Variants in DCC observed in about 807,000 individuals in gnomAD.
DCC encodes the protein DCC netrin 1 receptor, also known as netrin receptor DCC.
Under a neutral mutation model 172.5 loss-of-function variants are expected in DCC, and 58 were observed. The observed-to-expected ratio is 0.34, with a 90% confidence interval of 0.27 to 0.42. The LOEUF is 0.42. Among genes scored for constraint, DCC ranks in the 10% least tolerant of loss-of-function variants. The pLI, the probability that DCC is intolerant of heterozygous loss-of-function variation, is 1.00. For missense variants in DCC, 1,740 were observed against 1,791.0 expected (o/e 0.97, Z 0.51); for synonymous variants, 709 against 644.5 (o/e 1.10, Z -1.52).
intron 1 of DCC, among the ~76,000 whole-genome samples, chr18:52,451,522 G>A (rs1216177436): frequency 6.6e-6 from 1 of 152,164 alleles, no homozygotes; most frequent in East Asian, 1.9e-4. Context: ...GATGGCCTCA[G>A]GCAATCGGAA....
At chr18:53,171,078 T>A (rs2055006983) in intron 8 of DCC, among the ~76,000 whole-genome samples, 2 of 151,942 alleles carry the variant, frequency 1.3e-5, no homozygotes, top group Admixed American at 1.3e-4. Flanking sequence ...AGAGAGAGGG[T>A]TTCACCAGAT....
At chr18:52,735,116 C>A (rs1303511220) in intron 1 of DCC, among the ~76,000 whole-genome samples, 1 of 152,034 alleles carries the variant, frequency 6.6e-6, no homozygotes, top group Non-Finnish European at 1.5e-5. Flanking sequence ...AATTTTGTAT[C>A]CTTCTCCACC....
chr18:52,385,556 A>G (rs564350425), intron 1 of DCC, among the ~76,000 whole-genome samples: 12 of 152,160 alleles, frequency 7.9e-5, no homozygotes, highest in African/African-American at 1.9e-4. Flanking sequence ...TCCAAAGAAG[A>G]TCCCATTCCA....
chr18:53,108,083 A>G (rs1377105007), intron 7 of DCC, among the ~76,000 whole-genome samples: 3 of 151,832 alleles, frequency 2.0e-5, no homozygotes, highest in Non-Finnish European at 4.4e-5. Context: ...CTGCCAGTTT[A>G]TATCAGTGGC....
chr18:52,616,984 T>C (rs1447581134), intron 1 of DCC, among the ~76,000 whole-genome samples: 1 of 152,116 alleles, frequency 6.6e-6, no homozygotes, highest in Non-Finnish European at 1.5e-5. Context: ...GAGGTTGAAT[T>C]AAGGGCTGTA....
intron 19 of DCC, among the ~76,000 whole-genome samples, chr18:53,404,093 T>C (rs1057204721): frequency 7.2e-5 from 11 of 152,228 alleles, no homozygotes; most frequent in African/African-American, 2.7e-4. Flanking sequence ...CTCATTGTTA[T>C]AATCTCTTTT....
intron 13 of DCC, among the ~76,000 whole-genome samples, chr18:53,311,565 A>G (rs964022192): frequency 2.6e-5 from 4 of 152,208 alleles, no homozygotes; most frequent in Non-Finnish European, 4.4e-5. Flanking sequence ...GCGTGTTGTC[A>G]TCTTTAGTTC....
Position 52,411,416 on chromosome 18 carries a change from C to T in DCC, c.91+70538C>T, listed in dbSNP as rs1160803943. ...CATGGAAAACTAAAGCAAGCTATGC[C>T]GAAACTGTCATTATCTGAGGCAACC... On this transcript the variant is annotated intron_variant, in intron 1 of 28. Transcript: ENST00000442544. Among the ~76,000 whole-genome samples, 14 of 152,088 alleles carry T rather than the reference C, an allele frequency of 9.2e-5. No homozygotes were observed. The East Asian group carries it at 1.5e-3, about 17-fold the overall frequency.
intron 1 of DCC, among the ~76,000 whole-genome samples, chr18:52,499,019 G>T (rs531061594): frequency 1.3e-5 from 2 of 152,116 alleles, no homozygotes; most frequent in Non-Finnish European, 2.9e-5. Flanking sequence ...TTCTCTGACC[G>T]TACCACCCGG....
At chr18:53,110,998 C>G (rs1274325900) in intron 7 of DCC, among the ~76,000 whole-genome samples, 82 of 122,878 alleles carry the variant, frequency 6.7e-4, no homozygotes, top group Middle Eastern at 3.8e-3. Context: ...TGGAACCAAC[C>G]CAAATGTCCA....
intron 1 of DCC, among the ~76,000 whole-genome samples, chr18:52,690,341 C>A (rs1294744170): frequency 6.6e-6 from 1 of 152,006 alleles, no homozygotes; most frequent in Non-Finnish European, 1.5e-5. Context: ...AAGAGGCAAC[C>A]GGAAGAGGAT....
chr18:52,421,861 C>A (rs376280290), intron 1 of DCC, among the ~76,000 whole-genome samples: 21 of 152,258 alleles, frequency 1.4e-4, no homozygotes, highest in African/African-American at 5.1e-4. Context: ...CACTTACCGG[C>A]CCAATGGCCC....
chr18:53,346,999 T>C (rs76228512), intron 15 of DCC, among the ~76,000 whole-genome samples: 5,097 of 152,302 alleles, frequency 0.033, 104 homozygotes, highest in Non-Finnish European at 0.05. Context: ...AAAATCTTGG[T>C]TAAGTTTCCC....
intron 26 of DCC, among the ~76,000 whole-genome samples, chr18:53,495,345 C>T (rs897001166): frequency 4.1e-5 from 6 of 147,338 alleles, no homozygotes; most frequent in African/African-American, 7.5e-5. Context: ...GAGCCAAGAT[C>T]GCACACTGCA....
rs73463144 is a variant in DCC, at chr18:53,009,116, A to G, written c.986-54189A>G. The stretch of plus-strand genomic sequence containing the variant: ...TACCACAATATCCTAATTTCACAAT[A>G]TTTGTGAGTGCTGGGAGGAATTTTA... On this transcript the variant is annotated intron_variant, in intron 5 of 28. Coordinates refer to ENST00000442544, the MANE Select transcript of DCC (RefSeq NM_005215.4). Among the ~76,000 whole-genome samples the G allele has an allele frequency of 1.2e-3, 175 of 151,986 alleles. 2 individuals carry two copies. The highest frequency in any genetic ancestry group is 4.1e-3 in the African/African-American group (172 of 41,522).
intron 24 of DCC, among the ~76,000 whole-genome samples, chr18:53,465,499 AT>A (rs996408336): frequency 3.5e-4 from 53 of 151,880 alleles, no homozygotes; most frequent in Admixed American, 6.6e-4. Flanking sequence ...TACTTCTAAG[AT>A]TTTTTTGTTG....
At chr18:52,934,517 T>A (rs2040354334) in intron 5 of DCC, among the ~76,000 whole-genome samples, 1 of 152,142 alleles carries the variant, frequency 6.6e-6, no homozygotes, top group African/African-American at 2.4e-5. Flanking sequence ...GCATAAGAAA[T>A]GCAATTGAAT....
intron 9 of DCC, among the ~76,000 whole-genome samples, chr18:53,198,376 A>G (rs2055481470): frequency 1.3e-5 from 2 of 152,106 alleles, no homozygotes; most frequent in Non-Finnish European, 2.9e-5. Flanking sequence ...GTAGGGATAA[A>G]AAACCACACA....
intron 5 of DCC, among the ~76,000 whole-genome samples, chr18:53,032,988 T>C (rs540198320): frequency 6.6e-6 from 1 of 152,246 alleles, no homozygotes; most frequent in Admixed American, 6.5e-5. Flanking sequence ...TCTTAATGAG[T>C]TGAGAATTCT....
Sources: allele counts gnomAD v4.1 joint callset (sites outside exome capture counted in the v4.1 genomes callset), GRCh38; gene constraint gnomAD v4.1.1; transcripts MANE v1.5; gene names NCBI Gene and HGNC (gene_info 2026-07-23, HGNC 2026-07-21).